DAB1: variants seen among roughly 807,000 people sequenced by gnomAD.
DAB1 encodes DAB adaptor protein 1.
Under a neutral mutation model 64.6 loss-of-function variants are expected in DAB1, and 15 were observed. The ratio of observed to expected loss-of-function variants is 0.23; its 90% CI spans 0.16 to 0.36. The LOEUF (loss-of-function observed/expected upper bound fraction) is 0.36. DAB1 is among the 10% of genes least tolerant of loss of function. The probability of loss-of-function intolerance (pLI) is 1.00; values close to 1 mark genes in which losing one functional copy is unlikely to be tolerated. For synonymous variants in DAB1, 235 were observed against 251.9 expected, an observed-to-expected ratio of 0.93 and a Z score of 0.64; for missense variants, 596 against 706.7, an observed-to-expected ratio of 0.84 and a Z score of 1.78.
intron 1 of DAB1, among the ~76,000 whole-genome samples, chr1:57,361,397 T>C (rs1558237746): frequency 6.6e-6 from 1 of 152,140 alleles, no homozygotes; most frequent in African/African-American, 2.4e-5. Context: ...TCTCTACACT[T>C]CAGTTTCCTC....
intron 2 of DAB1, among the ~76,000 whole-genome samples, chr1:58,510,911 T>A (rs1646066492): frequency 6.6e-6 from 1 of 151,834 alleles, no homozygotes; most frequent in African/African-American, 2.4e-5. Context: ...TAAACCAAAC[T>A]AAGGAGGTGA....
At chr1:57,587,020 C>G (rs1645389388) in intron 7 of DAB1, among the ~76,000 whole-genome samples, 1 of 152,156 alleles carries the variant, frequency 6.6e-6, no homozygotes, top group Admixed American at 6.5e-5. Flanking sequence ...GCATTCCTGA[C>G]AGATAACCAT....
chr1:57,894,407 T>G (rs1040720225), intron 5 of DAB1, among the ~76,000 whole-genome samples: 7 of 152,140 alleles, frequency 4.6e-5, no homozygotes, highest in African/African-American at 7.2e-5. Context: ...GGGAAGTTGG[T>G]GGAGGCCTCT....
At chr1:57,242,914 G>A (rs1268939541) in intron 2 of DAB1, among the ~76,000 whole-genome samples, 3 of 152,146 alleles carry the variant, frequency 2.0e-5, no homozygotes, top group Admixed American at 1.3e-4. Flanking sequence ...GCAATAAACC[G>A]ACTGGAAAAA....
intron 4 of DAB1, among the ~76,000 whole-genome samples, chr1:58,289,198 T>C (rs576876727): frequency 6.6e-6 from 1 of 152,318 alleles, no homozygotes; most frequent in Non-Finnish European, 1.5e-5. Flanking sequence ...GTATTACCTT[T>C]TTTCTGTGCC....
intron 5 of DAB1, among the ~76,000 whole-genome samples, chr1:57,934,063 T>TTGTATGTGTG (rs1553145086): frequency 1.6e-5 from 2 of 128,052 alleles, no homozygotes; most frequent in Non-Finnish European, 3.3e-5. Flanking sequence ...GCCCAGCTAA[T>TTGTATGTGTG]TGTGTGTGTG....
At chr1:58,136,706 TAAGG>T (rs1408515237) in intron 5 of DAB1, among the ~76,000 whole-genome samples, 1 of 152,082 alleles carries the variant, frequency 6.6e-6, no homozygotes, top group East Asian at 1.9e-4. Flanking sequence ...GAGCCCAAGG[TAAGG>T]GAGGGAGGAG....
intron 6 of DAB1, among the ~76,000 whole-genome samples, chr1:57,717,621 G>A (rs1234198115): frequency 2.0e-5 from 3 of 151,990 alleles, no homozygotes; most frequent in Non-Finnish European, 4.4e-5. Context: ...CTGCACCTCC[G>A]TGTTTATTAC....
intron 6 of DAB1, among the ~76,000 whole-genome samples, chr1:57,663,864 T>C (rs1646416007): frequency 6.6e-6 from 1 of 152,168 alleles, no homozygotes; most frequent in South Asian, 2.1e-4. Flanking sequence ...TAACTAGAAC[T>C]TGTGTTCAGT....
intron 5 of DAB1, chr1:58,074,387 T>A (rs1649460792): frequency 6.6e-6 from 1 of 151,118 alleles, no homozygotes; most frequent in Non-Finnish European, 1.5e-5. Flanking sequence ...ATTTTTCTCT[T>A]TCATTTTACA....
At chr1:58,060,059 G>C (rs1014493668) in intron 5 of DAB1, 1 of 152,636 alleles carries the variant, frequency 6.6e-6, no homozygotes, top group African/African-American at 2.4e-5. Context: ...GAGCAGGCTG[G>C]GGAGAGCACA....
At chr1:57,486,461 G>C (rs1644093115) in intron 7 of DAB1, among the ~76,000 whole-genome samples, 1 of 152,178 alleles carries the variant, frequency 6.6e-6, no homozygotes, top group African/African-American at 2.4e-5. Context: ...ATGACAAGCA[G>C]CATAGTTTGT....
At chr1:57,517,498 A>G (rs7554465) in intron 7 of DAB1, among the ~76,000 whole-genome samples, 208 of 152,282 alleles carry the variant, frequency 1.4e-3, no homozygotes, top group African/African-American at 4.8e-3. Flanking sequence ...TGGGGAAGAG[A>G]GTAGGTGAAA....
At chr1:58,129,093 C>G (rs1346636881) in intron 5 of DAB1, among the ~76,000 whole-genome samples, 18 of 147,940 alleles carry the variant, frequency 1.2e-4, no homozygotes, top group Admixed American at 5.4e-4. Flanking sequence ...GTCCTGGACT[C>G]TTTTTGGTTG....
chr1:57,319,098 A>C (rs1675466489), intron 1 of DAB1, among the ~76,000 whole-genome samples: 1 of 152,148 alleles, frequency 6.6e-6, no homozygotes, highest in Admixed American at 6.5e-5. Flanking sequence ...GTCGTGGCAG[A>C]TCTTATTGAA....
chr1:57,161,052 CATTCCCTTA>C (rs1393191289), intron 2 of DAB1, among the ~76,000 whole-genome samples: 2 of 152,130 alleles, frequency 1.3e-5, no homozygotes, highest in African/African-American at 4.8e-5. Flanking sequence ...ATTCAGAGGA[CATTCCCTTA>C]TTGGGAATTT....
chr1:57,949,392 A>G (rs1645232914), intron 5 of DAB1, among the ~76,000 whole-genome samples: 1 of 152,148 alleles, frequency 6.6e-6, no homozygotes, highest in Non-Finnish European at 1.5e-5. Context: ...AGCCCAGTTT[A>G]TAACAGGCCA....
At chr1:58,150,695 T>C (rs12025884) in intron 4 of DAB1, 1 of 143,932 alleles carries the variant, frequency 6.9e-6, no homozygotes, top group African/African-American at 2.5e-5. Flanking sequence ...AGTTTTTTGG[T>C]TTTTTTTTTA....
intron 1 of DAB1, chr1:58,533,929 T>C (rs377419010): frequency 3.3e-5 from 29 of 868,272 alleles, no homozygotes; most frequent in Non-Finnish European, 5.4e-5. Context: ...TTTCCAAACC[T>C]GAACATTCAT....
Sources: allele counts gnomAD v4.1 joint callset (sites outside exome capture counted in the v4.1 genomes callset), GRCh38; gene constraint gnomAD v4.1.1; transcripts MANE v1.5; gene names NCBI Gene and HGNC (gene_info 2026-07-23, HGNC 2026-07-21).